Variants in B3GALT1 observed in about 807,000 individuals in gnomAD.
B3GALT1 encodes the protein UDP-Gal:betaGlcNAc beta 1,3-galactosyltransferase, polypeptide 1.
A neutral mutation model predicts 23.2 loss-of-function variants in B3GALT1; 10 were observed. The observed-to-expected ratio is 0.43, with a 90% CI of 0.27 to 0.73. The LOEUF (loss-of-function observed/expected upper bound fraction) is 0.73. Ranked by LOEUF, B3GALT1 falls within the 30% of genes least tolerant of loss-of-function variation. The pLI, the probability that B3GALT1 is intolerant of heterozygous loss-of-function variation, is 0.21. For synonymous variants in B3GALT1, 156 were observed against 141.5 expected, an observed-to-expected ratio of 1.10 and a Z score of -0.73; for missense variants, 299 against 405.4, an observed-to-expected ratio of 0.74 and a Z score of 2.25.
chr2:167,816,530 T>C (rs570613014), intron 3 of B3GALT1, among the ~76,000 whole-genome samples: 4 of 152,286 alleles, frequency 2.6e-5, no homozygotes, highest in African/African-American at 9.6e-5. Context: ...GTCTGTCTCA[T>C]GACAGCATTC....
chr2:167,676,082 G>T (rs761215263), intron 3 of B3GALT1, among the ~76,000 whole-genome samples: 1 of 151,802 alleles, frequency 6.6e-6, no homozygotes, highest in South Asian at 2.1e-4. Context: ...CCTAGACCAC[G>T]CCCCTCCCGA....
At chr2:167,507,506 A>AG (rs1351515631) in intron 2 of B3GALT1, among the ~76,000 whole-genome samples, 4 of 124,730 alleles carry the variant, frequency 3.2e-5, no homozygotes, top group Non-Finnish European at 4.7e-5. Flanking sequence ...CTCCGTCTCA[A>AG]AAAAAAAAAA....
intron 1 of B3GALT1, among the ~76,000 whole-genome samples, chr2:167,346,122 C>CT (rs931209537): frequency 1.3e-5 from 2 of 151,244 alleles, no homozygotes; most frequent in Non-Finnish European, 2.9e-5. Context: ...ATATTTTACA[C>CT]TTTTTTCCTA....
At chr2:167,561,817 G>C (rs1395727221) in intron 2 of B3GALT1, among the ~76,000 whole-genome samples, 1 of 152,184 alleles carries the variant, frequency 6.6e-6, no homozygotes, top group Non-Finnish European at 1.5e-5. Flanking sequence ...ATAATCAACA[G>C]CTTACCAACC....
chr2:167,811,698 C>T (rs1688892465), intron 3 of B3GALT1, among the ~76,000 whole-genome samples: 1 of 152,170 alleles, frequency 6.6e-6, no homozygotes, highest in South Asian at 2.1e-4. Flanking sequence ...TAAGCACCAC[C>T]TCCCAATCTC....
rs60938716 is a variant in B3GALT1 at position 167,369,061 on chromosome 2, T to TTGTGTGTG, written c.-511+75767_-511+75774dup. On this transcript the variant is annotated intron_variant, in intron 1 of 4. Transcript: ENST00000392690. ...TGTATTGGGAAGATAAAACTCTTAT[T>TTGTGTGTG]TGTGTGTGTGTGTGTGTGTGTGTGT... 4.5e-3 allele frequency among the ~76,000 whole-genome samples: 666 copies of TTGTGTGTG among 147,532 alleles called. 3 individuals carry two copies. Among genetic ancestry groups the TTGTGTGTG allele is most frequent in the South Asian group, 0.011 (52 of 4,636 alleles).
intron 1 of B3GALT1, among the ~76,000 whole-genome samples, chr2:167,442,552 CTT>C (rs1013010719): frequency 6.6e-6 from 1 of 151,772 alleles, no homozygotes; most frequent in African/African-American, 2.4e-5. Flanking sequence ...TGTTTCCTGA[CTT>C]TTGAATGATT....
chr2:167,400,166 C>CTTTGTGTGTGTG (rs1553517152), intron 1 of B3GALT1, among the ~76,000 whole-genome samples: 1 of 145,696 alleles, frequency 6.9e-6, no homozygotes, highest in Non-Finnish European at 1.5e-5. Context: ...ACATCTATGT[C>CTTTGTGTGTGTG]TGTGTGTGTG....
intron 3 of B3GALT1, among the ~76,000 whole-genome samples, chr2:167,693,640 A>T (rs554727915): frequency 6.6e-6 from 1 of 152,282 alleles, no homozygotes; most frequent in African/African-American, 2.4e-5. Context: ...TGATAAGTTC[A>T]GATATTTCAC....
chr2:167,557,991 T>C (rs968664916), intron 2 of B3GALT1: 3 of 152,208 alleles, frequency 2.0e-5, no homozygotes, highest in African/African-American at 7.2e-5. Flanking sequence ...TTTCTTATGT[T>C]TATTGTTTCC....
intron 4 of B3GALT1, among the ~76,000 whole-genome samples, chr2:167,847,805 G>T (rs1344254380): frequency 6.6e-6 from 1 of 151,982 alleles, no homozygotes; most frequent in African/African-American, 2.4e-5. Flanking sequence ...GAAACAAAAA[G>T]CTGGTTCTTT....
intron 4 of B3GALT1, among the ~76,000 whole-genome samples, chr2:167,846,654 A>G (rs1253288301): frequency 6.6e-6 from 1 of 152,218 alleles, no homozygotes; most frequent in African/African-American, 2.4e-5. Flanking sequence ...TCTTTAAACC[A>G]TAAATCACAC....
chr2:167,387,865 C>T (rs1447641900), intron 1 of B3GALT1, among the ~76,000 whole-genome samples: 3 of 152,162 alleles, frequency 2.0e-5, no homozygotes, highest in Non-Finnish European at 4.4e-5. Flanking sequence ...AGAATACAGA[C>T]TATTGCATTT....
At chr2:167,586,391 C>T (rs2105411905) in intron 2 of B3GALT1, among the ~76,000 whole-genome samples, 1 of 152,318 alleles carries the variant, frequency 6.6e-6, no homozygotes, top group African/African-American at 2.4e-5. Flanking sequence ...CCTCCGCCTC[C>T]AGGGTTCAAG....
At chr2:167,382,303 CT>C (rs541949592) in intron 1 of B3GALT1, among the ~76,000 whole-genome samples, 1 of 152,014 alleles carries the variant, frequency 6.6e-6, no homozygotes, top group South Asian at 2.1e-4. Context: ...TTTTTTCTCT[CT>C]TTTTTGTTTC....
rs200480108 is a variant in B3GALT1 at position 167,389,908 on chromosome 2, CCAAA to C, written c.-511+96575_-511+96578del. Reference sequence around the variant, plus strand: ...CCTGGGTGACAGAGGGATACCCTGTCCAAAAAAAAAAAAAAACAAAAAAAAAAAA... The same window carrying C: ...CCTGGGTGACAGAGGGATACCCTGTCAAAAAAAAAAAACAAAAAAAAAAAA... On this transcript the variant is annotated intron_variant, in intron 1 of 4. Coordinates refer to ENST00000392690, the MANE Select transcript of B3GALT1 (RefSeq NM_020981.4). Among the ~76,000 whole-genome samples, 415 of 74,602 alleles carry C rather than the reference CCAAA, an allele frequency of 5.6e-3. 1 individual carries two copies. Among genetic ancestry groups the C allele is most frequent in the African/African-American group, 0.022 (392 of 18,190 alleles). 48.9% of individuals were successfully genotyped at this position (74,602 alleles called of 152,430 possible).
chr2:167,428,224 TTACC>T (rs966723815), intron 1 of B3GALT1, among the ~76,000 whole-genome samples: 90 of 152,336 alleles, frequency 5.9e-4, no homozygotes, highest in African/African-American at 2.1e-3. Context: ...AAACAGGATC[TTACC>T]TAACTGTGAG....
Position 167,873,188 on chromosome 2 carries a change from A to G in B3GALT1, c.*3168A>G, listed in dbSNP as rs777999795. The G allele has an allele frequency of 3.3e-5, 5 of 152,220 alleles. No homozygotes were observed. The highest frequency in any genetic ancestry group is 6.5e-5 in the Admixed American group (1 of 15,274). 9.4% of individuals were successfully genotyped at this position (152,220 alleles called of 1,614,324 possible). On this transcript the variant is annotated 3_prime_UTR_variant, in exon 5 of 5. Coordinates refer to ENST00000392690, the MANE Select transcript of B3GALT1 (RefSeq NM_020981.4). ...CAAAAACTCTTTTTTTCCATTATGCACTGGATAATAACAGTATCAGTGTCT... is the reference window on the plus strand; with the variant it reads ...CAAAAACTCTTTTTTTCCATTATGCGCTGGATAATAACAGTATCAGTGTCT...
intron 1 of B3GALT1, among the ~76,000 whole-genome samples, chr2:167,375,125 T>C (rs554155356): frequency 2.0e-5 from 3 of 152,220 alleles, no homozygotes; most frequent in South Asian, 2.1e-4. Context: ...TTTGTCAACT[T>C]TGTTGAAGAT....
Sources: gnomAD v4.1 joint callset for allele counts (sites outside exome capture counted in the v4.1 genomes callset) on GRCh38, gnomAD v4.1.1 for gene constraint, MANE v1.5 for transcripts, NCBI Gene and HGNC (gene_info 2026-07-23, HGNC 2026-07-21) for gene names.